TMEM266: variants seen among roughly 807,000 people sequenced by gnomAD.
TMEM266 encodes transmembrane protein 266, also known as Hv1 related protein 1.
Under a neutral mutation model 50.5 loss-of-function variants are expected in TMEM266, and 33 were observed. The ratio of observed to expected loss-of-function variants is 0.65; its 90% CI spans 0.50 to 0.87. The LOEUF is 0.87. TMEM266 is among the 40% of genes least tolerant of loss of function. The pLI is 0.00. For missense variants in TMEM266, 655 were observed against 695.1 expected, an observed-to-expected ratio of 0.94 and a Z score of 0.65; for synonymous variants, 310 against 292.3, an observed-to-expected ratio of 1.06 and a Z score of -0.62.
intron 10 of TMEM266, among the ~76,000 whole-genome samples, chr15:76,202,975 A>G (rs1596177145): frequency 6.6e-6 from 1 of 151,842 alleles, no homozygotes; most frequent in Non-Finnish European, 1.5e-5. Context: ...GCCTCATCCA[A>G]TATGCTGGTT....
At chr15:76,060,948 A>G (rs559432572) in intron 1 of TMEM266, among the ~76,000 whole-genome samples, 141 of 152,228 alleles carry the variant, frequency 9.3e-4, no homozygotes, top group African/African-American at 3.2e-3. Flanking sequence ...TATATGTGAG[A>G]GGTTGAAATT....
At chr15:76,164,804 C>T (rs1409776043) in intron 5 of TMEM266, among the ~76,000 whole-genome samples, 1 of 152,174 alleles carries the variant, frequency 6.6e-6, no homozygotes, top group Non-Finnish European at 1.5e-5. Flanking sequence ...TGGGTGGCCG[C>T]GGGCTTGGGG....
chr15:76,071,734 C>A (rs7181693), intron 1 of TMEM266, among the ~76,000 whole-genome samples: 89,981 of 151,918 alleles, frequency 0.59, 26,965 homozygotes, highest in Admixed American at 0.7. Context: ...CCCCAGACCC[C>A]TCACTGACCC....
At chr15:76,158,677 C>T (rs1014597665) in intron 4 of TMEM266, among the ~76,000 whole-genome samples, 1 of 152,190 alleles carries the variant, frequency 6.6e-6, no homozygotes, top group East Asian at 1.9e-4. Context: ...AAAAAAGGCA[C>T]AGGAATTCAT....
chr15:76,145,453 G>C (rs1463045625), intron 3 of TMEM266, among the ~76,000 whole-genome samples: 1 of 152,136 alleles, frequency 6.6e-6, no homozygotes, highest in African/African-American at 2.4e-5. Context: ...GCCCATCACT[G>C]TCTTCTAAGA....
intron 1 of TMEM266, among the ~76,000 whole-genome samples, chr15:76,109,705 T>C (rs557100029): frequency 1.1e-3 from 165 of 149,504 alleles, no homozygotes; most frequent in African/African-American, 3.9e-3. Context: ...CTTTTTTCTT[T>C]CTTTTCTTTT....
intron 3 of TMEM266, among the ~76,000 whole-genome samples, chr15:76,141,061 C>T (rs116088661): frequency 0.012 from 1,828 of 152,012 alleles, 33 homozygotes; most frequent in African/African-American, 0.041. Context: ...ATGACAGAGA[C>T]GGGAATAGAG....
intron 3 of TMEM266, among the ~76,000 whole-genome samples, chr15:76,143,004 C>T (rs147757632): frequency 1.4e-4 from 22 of 152,320 alleles, no homozygotes; most frequent in Admixed American, 5.9e-4. Flanking sequence ...CTCAAGTCTC[C>T]TCTTTCTTGC....
intron 10 of TMEM266, among the ~76,000 whole-genome samples, chr15:76,202,947 CTT>C (rs1448222631): frequency 6.6e-6 from 1 of 152,086 alleles, no homozygotes; most frequent in Non-Finnish European, 1.5e-5. Context: ...CCTCATCCCT[CTT>C]CTCTCCTCCC....
At chr15:76,166,944 T>C (rs942352996) in intron 5 of TMEM266, among the ~76,000 whole-genome samples, 1 of 152,210 alleles carries the variant, frequency 6.6e-6, no homozygotes. Context: ...TTTTGTGTTA[T>C]GTGTATTTTA....
Position 76,175,540 on chromosome 15 carries a change from G to A in TMEM266, c.653-19G>A, listed in dbSNP as rs1408460269. Reference sequence around the variant, plus strand: ...CCTGCCACTGCTGAATTCTTTACAGGGCTGTCTCTGTCTTCCAGCCTACGT... The same window carrying A: ...CCTGCCACTGCTGAATTCTTTACAGAGCTGTCTCTGTCTTCCAGCCTACGT... On this transcript the variant is annotated intron_variant, in intron 7 of 10. Coordinates refer to ENST00000388942, the MANE Select transcript of TMEM266 (RefSeq NM_152335.3). 1 of 1,601,172 alleles carries A rather than the reference G, an allele frequency of 6.2e-7. No individual in the cohort carries two copies. The highest frequency in any genetic ancestry group is 1.3e-5 in the African/African-American group (1 of 74,670).
At chr15:76,178,105 G>T (rs561341490) in intron 8 of TMEM266, among the ~76,000 whole-genome samples, 2 of 152,274 alleles carry the variant, frequency 1.3e-5, no homozygotes, top group South Asian at 4.2e-4. Flanking sequence ...GGCTTGGGAA[G>T]GGGCTCTGTG....
intron 1 of TMEM266, among the ~76,000 whole-genome samples, chr15:76,123,932 C>T (rs112145331): frequency 0.025 from 3,832 of 152,288 alleles, 170 homozygotes; most frequent in African/African-American, 0.088. Flanking sequence ...AGGCTGGTCT[C>T]AAACTCCTAA....
chr15:76,184,151 C>T (rs1028430867), intron 8 of TMEM266, among the ~76,000 whole-genome samples: 1 of 152,218 alleles, frequency 6.6e-6, no homozygotes, highest in Non-Finnish European at 1.5e-5. Flanking sequence ...TGGCTCATTC[C>T]AGAGAGCTCC....
rs1027498691 is a variant in TMEM266 at position 76,160,243 on chromosome 15, C to T, written c.456+75C>T. 11 of 1,435,202 alleles carry T rather than the reference C, an allele frequency of 7.7e-6. No homozygotes were observed. The highest frequency in any genetic ancestry group is 5.1e-5 in the Admixed American group (3 of 58,326). 88.9% of individuals were successfully genotyped at this position (1,435,202 alleles called of 1,614,324 possible). A position where few individuals can be genotyped will look rare whatever the true frequency, so the allele number is the denominator to read the frequency against. ...CCTGGGGAAACCAAGGTCTACTTCT[C>T]GAAATGGTTTCTAGCATCAGGTCCC... On this transcript the variant is annotated intron_variant, in intron 5 of 10. Transcript: ENST00000388942. This position sits in a 1 kb window ranked among gnomAD's most constrained non-coding sequence, Gnocchi z 5.7.
intron 1 of TMEM266, among the ~76,000 whole-genome samples, chr15:76,093,336 T>C (rs1452013276): frequency 6.7e-6 from 1 of 148,858 alleles, no homozygotes. Flanking sequence ...CCCCTCCCTA[T>C]GTCCATGTGT....
At chr15:76,186,153 G>A (rs1257962205) in intron 8 of TMEM266, among the ~76,000 whole-genome samples, 1 of 152,148 alleles carries the variant, frequency 6.6e-6, no homozygotes, top group Non-Finnish European at 1.5e-5. Flanking sequence ...CCAGGGGCGT[G>A]GGCTGTGGCC....
intron 8 of TMEM266, among the ~76,000 whole-genome samples, chr15:76,186,199 CT>C (rs1413097046): frequency 6.6e-6 from 1 of 152,198 alleles, no homozygotes; most frequent in Non-Finnish European, 1.5e-5. Context: ...TGGTCCTGGC[CT>C]TTCCCCCATC....
At chr15:76,158,937 C>T (rs2037969644) in intron 4 of TMEM266, among the ~76,000 whole-genome samples, 1 of 152,228 alleles carries the variant, frequency 6.6e-6, no homozygotes, top group Non-Finnish European at 1.5e-5. Context: ...GTCTGCAGAT[C>T]CCAGAGCTTC....
Sources: gnomAD v4.1 joint callset for allele counts (sites outside exome capture counted in the v4.1 genomes callset) on GRCh38, gnomAD v4.1.1 for gene constraint, Gnocchi (gnomAD v3.1) non-coding constraint, MANE v1.5 for transcripts, NCBI Gene and HGNC (gene_info 2026-07-23, HGNC 2026-07-21) for gene names.